Variants in RGS6 observed in about 807,000 individuals in gnomAD.
RGS6 encodes regulator of G protein signaling 6.
Under a neutral mutation model 78.5 loss-of-function variants are expected in RGS6, and 30 were observed. The observed-to-expected ratio is 0.38, with a 90% CI of 0.29 to 0.52. The LOEUF (loss-of-function observed/expected upper bound fraction) is 0.52, where lower values mean the gene tolerates loss of function less well. Among genes scored for constraint, RGS6 ranks in the 20% least tolerant of loss-of-function variants. RGS6 has a pLI of 0.85. For missense variants in RGS6, 495 were observed against 609.7 expected (o/e 0.81, Z 1.98); for synonymous variants, 206 against 206.0 (o/e 1.00, Z 0.00).
chr14:71,981,054 C>G (rs1005600478), intron 2 of RGS6, among the ~76,000 whole-genome samples: 103 of 148,558 alleles, frequency 6.9e-4, no homozygotes, highest in Non-Finnish European at 1.3e-3. Context: ...TTGATCGCAT[C>G]GGCTCCTGAG....
chr14:72,538,154 G>T (rs899707634), intron 16 of RGS6, among the ~76,000 whole-genome samples: 2 of 152,196 alleles, frequency 1.3e-5, no homozygotes, highest in Non-Finnish European at 2.9e-5. Context: ...GAGTCTCCAG[G>T]TATGGATCTG....
At chr14:72,552,132 G>C (rs562510525) in intron 17 of RGS6, among the ~76,000 whole-genome samples, 3 of 152,326 alleles carry the variant, frequency 2.0e-5, no homozygotes, top group African/African-American at 7.2e-5. Flanking sequence ...GGGTACGTGG[G>C]TATCTCCTAT....
chr14:72,385,504 A>T (rs370457504), intron 3 of RGS6, among the ~76,000 whole-genome samples: 4 of 152,182 alleles, frequency 2.6e-5, no homozygotes, highest in African/African-American at 9.6e-5. Context: ...CCTTAAACAT[A>T]TAGTAGGGAA....
intron 2 of RGS6, among the ~76,000 whole-genome samples, chr14:72,134,859 T>G (rs1334672089): frequency 6.6e-6 from 1 of 152,148 alleles, no homozygotes; most frequent in East Asian, 1.9e-4. Context: ...TTCCCCATCT[T>G]TTTGTCATAT....
intron 15 of RGS6, among the ~76,000 whole-genome samples, chr14:72,521,730 G>C (rs2097045300): frequency 6.6e-6 from 1 of 152,146 alleles, no homozygotes. Context: ...CTTTCTAGCA[G>C]AGTGACCTTG....
intron 2 of RGS6, among the ~76,000 whole-genome samples, chr14:72,073,080 C>T (rs951860063): frequency 6.6e-6 from 1 of 152,160 alleles, no homozygotes; most frequent in Admixed American, 6.5e-5. Flanking sequence ...GGTTCAAATC[C>T]TCCTTCTGCC....
chr14:71,906,669 T>A, the RGS6 span, among the ~76,000 whole-genome samples: 18 of 152,304 alleles, frequency 1.2e-4, no homozygotes, highest in African/African-American at 4.3e-4. Flanking sequence ...TTAAAATATA[T>A]GTCATTTAAC....
chr14:72,515,384 G>A (rs964501134), intron 14 of RGS6, among the ~76,000 whole-genome samples: 6 of 152,128 alleles, frequency 3.9e-5, no homozygotes, highest in Non-Finnish European at 7.3e-5. Context: ...TTGATTCCGC[G>A]GCCTGGTGCA....
At chr14:72,287,907 A>G (rs776972350) in intron 2 of RGS6, among the ~76,000 whole-genome samples, 1 of 152,218 alleles carries the variant, frequency 6.6e-6, no homozygotes, top group East Asian at 1.9e-4. Flanking sequence ...ATTGATTTGC[A>G]TATGTCAAAC....
intron 1 of RGS6, among the ~76,000 whole-genome samples, chr14:71,953,926 C>G (rs1330165093): frequency 2.2e-5 from 3 of 133,994 alleles, no homozygotes; most frequent in African/African-American, 8.3e-5. Context: ...TTTTTCTCCA[C>G]TTTTGAAGGA....
chr14:71,919,897 G>A, the RGS6 span, among the ~76,000 whole-genome samples: 1 of 152,222 alleles, frequency 6.6e-6, no homozygotes, highest in Non-Finnish European at 1.5e-5. Context: ...AGGAGTCTGA[G>A]GCAGGAGAAT....
chr14:72,284,933 G>T lies in RGS6; in HGVS notation c.85-67162G>T, dbSNP rs554108893. ...AAAGGAGATCATTTTCAAGCTTTAA[G>T]ATTTCACTGCCCTGCTGGATTTTGG... On this transcript the variant is annotated intron_variant, in intron 2 of 17. Coordinates refer to ENST00000553525, the MANE Select transcript of RGS6 (RefSeq NM_001204424.2). 2.6e-5 allele frequency among the ~76,000 whole-genome samples: 4 copies of T among 152,336 alleles called. No homozygotes were observed. The South Asian group carries it at 8.3e-4, about 32-fold the overall frequency.
chr14:72,391,314 T>C (rs2089928958), intron 3 of RGS6, among the ~76,000 whole-genome samples: 1 of 152,186 alleles, frequency 6.6e-6, no homozygotes, highest in African/African-American at 2.4e-5. Flanking sequence ...ATTTCGGCTG[T>C]CACGACTGAA....
chr14:72,576,484 C>A, the RGS6 span, among the ~76,000 whole-genome samples: 4 of 152,342 alleles, frequency 2.6e-5, no homozygotes, highest in Admixed American at 2.6e-4. Context: ...CAGATTGCAA[C>A]ACATCTGTAA....
chr14:71,909,571 G>A, the RGS6 span, among the ~76,000 whole-genome samples: 2 of 4,914 alleles, frequency 4.1e-4, no homozygotes, highest in East Asian at 4.3e-3. Context: ...AGAGAAATAA[G>A]GACATAGAGA....
intron 2 of RGS6, among the ~76,000 whole-genome samples, chr14:72,293,533 A>G (rs2064059864): frequency 1.3e-5 from 2 of 149,314 alleles, no homozygotes; most frequent in Non-Finnish European, 3.0e-5. Flanking sequence ...CTCCCCATCC[A>G]TTTCTCTTAA....
intron 10 of RGS6, 137 bp downstream of exon 10, chr14:72,474,836 A>G: frequency 1.3e-6 from 1 of 756,518 alleles, no homozygotes; most frequent in Non-Finnish European, 2.2e-6. Flanking sequence ...ACAAATATTG[A>G]TTGAGCAGCT....
rs2066331321 is a variant in RGS6, at chr14:72,302,637, A to G, written c.85-49458A>G. Among the ~76,000 whole-genome samples the G allele has an allele frequency of 5.3e-5, 8 of 152,276 alleles. No homozygotes were observed. In the South Asian group the frequency reaches 1.5e-3, roughly 28 times the overall value. Reference sequence around the variant, plus strand: ...CCAAGCAATCAGAATTTGAAAATCTAGCTTTCCAAACGGCCTCAGAGGCCC... The same window carrying G: ...CCAAGCAATCAGAATTTGAAAATCTGGCTTTCCAAACGGCCTCAGAGGCCC... On this transcript the variant is annotated intron_variant, in intron 2 of 17. Coordinates refer to ENST00000553525, the MANE Select transcript of RGS6 (RefSeq NM_001204424.2).
intron 2 of RGS6, among the ~76,000 whole-genome samples, chr14:72,101,761 C>A (rs1380005560): frequency 6.6e-6 from 1 of 152,216 alleles, no homozygotes; most frequent in Non-Finnish European, 1.5e-5. Flanking sequence ...TCTCTACCCC[C>A]AGTGTGATGT....
Sources: allele counts gnomAD v4.1 joint callset (sites outside exome capture counted in the v4.1 genomes callset), GRCh38; gene constraint gnomAD v4.1.1; transcripts MANE v1.5; gene names NCBI Gene and HGNC (gene_info 2026-07-23, HGNC 2026-07-21).